Variants in SRP68 observed in about 807,000 individuals in gnomAD.
The protein encoded by SRP68 is signal recognition particle subunit SRP68.
SRP68 carries 15 observed loss-of-function variants against 82.2 expected under a neutral mutation model. That is an observed-to-expected ratio of 0.18 (90% CI 0.12 to 0.28). SRP68 has a LOEUF of 0.28. Ranked by LOEUF, SRP68 falls within the 10% of genes least tolerant of loss-of-function variation. The pLI, the probability that SRP68 is intolerant of heterozygous loss-of-function variation, is 1.00. For missense variants in SRP68, 595 were observed against 780.5 expected (o/e 0.76, Z 2.83); for synonymous variants, 261 against 292.6 (o/e 0.89, Z 1.10).
intron 9 of SRP68, chr17:76,049,731 T>C (rs2066657925): frequency 6.6e-6 from 1 of 152,208 alleles, no homozygotes; most frequent in Non-Finnish European, 1.5e-5. Flanking sequence ...ATTAGTCAAA[T>C]AATAAGCTAT....
chr17:76,048,187 A>G (rs1234145989), intron 9 of SRP68: 1 of 266,916 alleles, frequency 3.7e-6, no homozygotes, highest in African/African-American at 2.2e-5. Context: ...CTCAAATAAG[A>G]GAACTGAGAG....
At chr17:76,040,610 C>G in intron 14 of SRP68, 136 bp from the exon 15 acceptor site, 1 of 858,556 alleles carries the variant, frequency 1.2e-6, no homozygotes, top group East Asian at 2.6e-5. Context: ...AGGCCTGTCT[C>G]CTGCTGAGAA....
intron 8 of SRP68, among the ~76,000 whole-genome samples, chr17:76,052,215 T>C (rs1182710179): frequency 6.6e-6 from 1 of 151,640 alleles, no homozygotes; most frequent in Non-Finnish European, 1.5e-5. Context: ...AATAACCACA[T>C]GTGTTGAGCG....
intron 7 of SRP68, among the ~76,000 whole-genome samples, chr17:76,059,503 T>G (rs931735216): frequency 6.6e-6 from 1 of 151,916 alleles, no homozygotes; most frequent in East Asian, 1.9e-4. Context: ...GATTGCACCA[T>G]TGCACTCCAG....
At chr17:76,044,016 G>C (rs773572715) in intron 12 of SRP68, 58 bp from the exon 13 acceptor site, 7 of 1,553,874 alleles carry the variant, frequency 4.5e-6, no homozygotes, top group Non-Finnish European at 6.0e-6. Context: ...CAAGACCAAG[G>C]CTTTCCTTGC....
At chr17:76,052,599 T>C (rs533953281) in intron 8 of SRP68, among the ~76,000 whole-genome samples, 35 of 149,650 alleles carry the variant, frequency 2.3e-4, no homozygotes, top group Middle Eastern at 7.1e-3. Flanking sequence ...GCTCAGGAGA[T>C]CGAGACCATC....
At position 76,039,216 on chromosome 17, in the gene SRP68, G is replaced by A. The variant is rs2066570230; in HGVS notation, c.*490C>T. On this transcript the variant is annotated 3_prime_UTR_variant, in exon 16 of 16. Transcript: ENST00000307877. ...GTCTGAAACTTCTTAGCGTTCACTG[G>A]GAGGTGAAGGGGAATAAGGCTGACC... The A allele has an allele frequency of 2.7e-6, 1 of 373,202 alleles. No individual in the cohort carries two copies. The highest frequency in any genetic ancestry group is 5.5e-6 in the Non-Finnish European group (1 of 181,160). The allele number at this position is 373,202 out of a possible 1,614,324, so 23.1% of individuals were successfully genotyped here. A position where few individuals can be genotyped will look rare whatever the true frequency, so the allele number is the denominator to read the frequency against.
chr17:76,066,376 G>T (rs2066806284), intron 3 of SRP68, among the ~76,000 whole-genome samples: 1 of 151,616 alleles, frequency 6.6e-6, no homozygotes, highest in Admixed American at 6.6e-5. Flanking sequence ...CTTGAACCCG[G>T]GAGGTGGAAG....
chr17:76,051,779 C>G (rs965299136), intron 8 of SRP68, among the ~76,000 whole-genome samples: 2 of 152,216 alleles, frequency 1.3e-5, no homozygotes, highest in Non-Finnish European at 2.9e-5. Flanking sequence ...CAAACACGGC[C>G]ACCATTCACT....
chr17:76,062,746 T>TATATATAAA (rs1181325497), intron 4 of SRP68, among the ~76,000 whole-genome samples: 2 of 81,818 alleles, frequency 2.4e-5, no homozygotes, highest in Non-Finnish European at 4.0e-5. Flanking sequence ...TATATATATA[T>TATATATAAA]ATATATATAT....
intron 4 of SRP68, among the ~76,000 whole-genome samples, chr17:76,062,988 T>A (rs529768428): frequency 6.6e-6 from 1 of 150,870 alleles, no homozygotes; most frequent in East Asian, 2.0e-4. Flanking sequence ...GCCAGGATGG[T>A]CTCGATCTCC....
Position 76,072,341 on chromosome 17 carries a change from T to C in SRP68, c.151A>G (p.Asn51Asp). The C allele has an allele frequency of 6.2e-7, 1 of 1,612,678 alleles. No homozygotes were observed. Among genetic ancestry groups the C allele is most frequent in the East Asian group, 2.2e-5 (1 of 44,646 alleles). The change falls in exon 1 of 16, where the codon AAC (asparagine) becomes GAC (aspartate). Residue 51 changes from asparagine (N) to aspartate (D), a missense_variant. Physicochemically the swap from Asn to Asp is conservative, Grantham distance 23 (BLOSUM62 1). Around this residue, in one of 2 missense-constraint regions of SRP68, gnomAD observed 100 missense variants for 91.9 expected, o/e 1.09. Coordinates refer to ENST00000307877, the MANE Select transcript of SRP68 (RefSeq NM_014230.4). This position sits in a 1 kb window ranked among gnomAD's most constrained non-coding sequence, Gnocchi z 4.5. ...CTCAGGCTATCCCCAAATTCTTTGT[T>C]TGCCTTCGATCCGGCCGAAGGGCGT... ...NERPSAGSKA[N>D]KEFGDSLSLE...
chr17:76,055,226 C>A (rs2144505684), intron 8 of SRP68, among the ~76,000 whole-genome samples: 1 of 152,188 alleles, frequency 6.6e-6, no homozygotes, highest in Non-Finnish European at 1.5e-5. Context: ...CTTGGCCTCC[C>A]AAAGTGCTGG....
chr17:76,059,414 C>T (rs952685295), intron 7 of SRP68, among the ~76,000 whole-genome samples: 7 of 151,824 alleles, frequency 4.6e-5, no homozygotes, highest in Non-Finnish European at 8.8e-5. Flanking sequence ...TGGTGGCGGG[C>T]GCCTGTAATC....
intron 13 of SRP68, chr17:76,041,252 C>A (rs996561715): frequency 3.6e-5 from 10 of 279,770 alleles, no homozygotes; most frequent in African/African-American, 2.2e-4. Flanking sequence ...AGGCATTGTT[C>A]TAAGCAGGTT....
rs905690942 is a variant in SRP68 at position 76,060,628 on chromosome 17, T to C, written c.755-238A>G. The C allele has an allele frequency of 1.0e-4, 47 of 461,394 alleles. 1 individual carries two copies. The highest frequency in any genetic ancestry group is 2.6e-4 in the South Asian group (8 of 30,288). 28.6% of individuals were successfully genotyped at this position (461,394 alleles called of 1,614,324 possible). ...ATCATGAAACATTTGTCCAAACCCA[T>C]AGAATGTACAACATCAAGCGTGAAC... is the stretch of plus-strand genomic sequence containing the variant. On this transcript the variant is annotated intron_variant, in intron 6 of 15. Coordinates refer to ENST00000307877, the MANE Select transcript of SRP68 (RefSeq NM_014230.4).
chr17:76,043,665 GAC>G (rs1055698247), intron 13 of SRP68, 162 bp downstream of exon 13: 13 of 582,174 alleles, frequency 2.2e-5, no homozygotes, highest in Non-Finnish European at 3.3e-5. Flanking sequence ...AGCCATGAGT[GAC>G]ACAGCCTGCA....
chr17:76,046,294 C>G, intron 10 of SRP68, 100 bp from the exon 11 acceptor site: 1,323 of 722,168 alleles, frequency 1.8e-3, no homozygotes, highest in Non-Finnish European at 2.0e-3. Context: ...AAGCAGGGGG[C>G]GGGTGGGGGC....
In SRP68 at chr17:76,061,580, A is replaced by G; in HGVS notation, c.562-6T>C. 6.2e-7 allele frequency: 1 copy of G among 1,612,432 alleles called. No individual in the cohort carries two copies. The highest frequency in any genetic ancestry group is 8.5e-7 in the Non-Finnish European group (1 of 1,178,672). On this transcript the variant is annotated splice_region_variant and splice_polypyrimidine_tract_variant and intron_variant, in intron 4 of 15. Transcript: ENST00000307877. ...GAGAGGTAAGCTGTGTAAGCCTGTG[A>G]GGAGATGGAAGAGGAGGAACTGCTT... is the stretch of plus-strand genomic sequence containing the variant.
Sources: allele counts gnomAD v4.1 joint callset (sites outside exome capture counted in the v4.1 genomes callset), GRCh38; gene constraint gnomAD v4.1.1; regional missense constraint gnomAD v4.1.1; non-coding constraint Gnocchi (gnomAD v3.1); transcripts MANE v1.5; gene names NCBI Gene and HGNC (gene_info 2026-07-23, HGNC 2026-07-21).